The following CPA6 variants were observed in gnomAD, a reference collection of about 807,000 sequenced individuals.
CPA6 encodes the protein carboxypeptidase B.
CPA6 carries 58 observed loss-of-function variants against 63.3 expected under a neutral mutation model. The ratio of observed to expected loss-of-function variants is 0.92; its 90% confidence interval spans 0.74 to 1.14. CPA6 has a LOEUF of 1.14. Among genes scored for constraint, CPA6 ranks in the 50% most tolerant of loss-of-function variants. CPA6 has a pLI of 0.00. For missense variants in CPA6, 565 were observed against 526.6 expected, an observed-to-expected ratio of 1.07 and a Z score of -0.71; for synonymous variants, 185 against 179.0, an observed-to-expected ratio of 1.03 and a Z score of -0.27.
At chr8:67,550,414 G>A (rs1306629880) in intron 2 of CPA6, among the ~76,000 whole-genome samples, 1 of 152,130 alleles carries the variant, frequency 6.6e-6, no homozygotes, top group African/African-American at 2.4e-5. Flanking sequence ...TGGTATATAT[G>A]TACCACATTT....
At chr8:67,718,460 T>G (rs1001030125) in intron 1 of CPA6, among the ~76,000 whole-genome samples, 3 of 152,168 alleles carry the variant, frequency 2.0e-5, no homozygotes, top group African/African-American at 7.2e-5. Context: ...GGGTTATGTA[T>G]GGCTGTGATG....
rs150055364 is a variant in CPA6 at position 67,720,152 on chromosome 8, G to A, written c.116+25862C>T. On this transcript the variant is annotated intron_variant, in intron 1 of 10. Transcript: ENST00000297770. ...AGTCAAAGGGGGTTTGTTCTCTGGC[G>A]GGCAGGAGTGGGGGTCGCAAGGTGC... 1.4e-4 allele frequency among the ~76,000 whole-genome samples: 21 copies of A among 152,072 alleles called. No homozygotes were observed. The East Asian group carries it at 3.5e-3, about 25-fold the overall frequency.
chr8:67,745,985 G>A (rs779485838), intron 1 of CPA6, 29 bp downstream of exon 1: 9 of 1,553,100 alleles, frequency 5.8e-6, no homozygotes, highest in South Asian at 2.3e-5. Context: ...AATCAAAGCT[G>A]TGTAGGGCAT....
intron 2 of CPA6, among the ~76,000 whole-genome samples, chr8:67,588,284 C>T (rs1454791582): frequency 3.9e-5 from 6 of 151,922 alleles, no homozygotes; most frequent in South Asian, 2.1e-4. Flanking sequence ...GGAAGTCAGT[C>T]GGTTACTGAT....
At chr8:67,496,531 A>ATGTATATATATG (rs1563976136) in intron 6 of CPA6, among the ~76,000 whole-genome samples, 1 of 134,376 alleles carries the variant, frequency 7.4e-6, no homozygotes, top group African/African-American at 3.0e-5. Flanking sequence ...ATATATATAT[A>ATGTATATATATG]TATATATATA....
intron 5 of CPA6, among the ~76,000 whole-genome samples, chr8:67,507,442 A>G (rs1423097758): frequency 6.6e-6 from 1 of 152,322 alleles, no homozygotes; most frequent in South Asian, 2.1e-4. Context: ...TCTAGAATCA[A>G]GTGGTAGATT....
chr8:67,633,904 C>T (rs1310162867), intron 1 of CPA6, among the ~76,000 whole-genome samples: 1 of 84,428 alleles, frequency 1.2e-5, no homozygotes, highest in Non-Finnish European at 2.2e-5. Context: ...ATGTTTTCCT[C>T]CTTCTTTCTC....
At position 67,552,500 on chromosome 8, in the gene CPA6, A is replaced by G. The variant is rs575536300; in HGVS notation, c.193-34453T>C. The stretch of plus-strand genomic sequence containing the variant: ...ATATTATAAAAAATGATGGCCGGGC[A>G]CGGTGGCTCATGCCTGTAATCCCAG... On this transcript the variant is annotated intron_variant, in intron 2 of 10. Coordinates refer to ENST00000297770, the MANE Select transcript of CPA6 (RefSeq NM_020361.5). Among the ~76,000 whole-genome samples, 195 of 152,302 alleles carry G rather than the reference A, an allele frequency of 1.3e-3. 1 individual carries two copies. Among genetic ancestry groups the G allele is most frequent in the South Asian group, 5.2e-3 (25 of 4,822 alleles).
intron 1 of CPA6, among the ~76,000 whole-genome samples, chr8:67,724,466 A>T (rs1430792803): frequency 6.6e-6 from 1 of 152,194 alleles, no homozygotes. Context: ...ACACAAAACA[A>T]AAAGCCCCAC....
intron 2 of CPA6, among the ~76,000 whole-genome samples, chr8:67,539,041 T>C (rs1812649965): frequency 2.6e-5 from 4 of 152,238 alleles, no homozygotes; most frequent in African/African-American, 9.6e-5. Context: ...CCTGTCATTA[T>C]GATGCTAGCT....
intron 2 of CPA6, among the ~76,000 whole-genome samples, chr8:67,589,920 G>T (rs555797502): frequency 6.6e-6 from 1 of 151,296 alleles, no homozygotes; most frequent in East Asian, 1.9e-4. Flanking sequence ...TTAAGTTTTA[G>T]GGTACATGTG....
At chr8:67,657,336 ATG>A (rs35203008) in intron 1 of CPA6, among the ~76,000 whole-genome samples, 55,501 of 151,968 alleles carry the variant, frequency 0.37, 11,474 homozygotes, top group East Asian at 0.6. Flanking sequence ...AAATAATCTG[ATG>A]TTGCTGGAGA....
At chr8:67,547,239 G>C (rs1050224616) in intron 2 of CPA6, among the ~76,000 whole-genome samples, 2 of 152,024 alleles carry the variant, frequency 1.3e-5, no homozygotes, top group African/African-American at 4.8e-5. Flanking sequence ...GTAGATACAG[G>C]GTTTCACTGT....
intron 1 of CPA6, among the ~76,000 whole-genome samples, chr8:67,666,127 A>G (rs1288733527): frequency 6.6e-6 from 1 of 152,186 alleles, no homozygotes; most frequent in Non-Finnish European, 1.5e-5. Context: ...CCTGTAAAGA[A>G]CTGAGCAGAG....
chr8:67,551,375 G>A (rs1402825062), intron 2 of CPA6, among the ~76,000 whole-genome samples: 1 of 152,076 alleles, frequency 6.6e-6, no homozygotes, highest in African/African-American at 2.4e-5. Flanking sequence ...TATTCCATTG[G>A]TCTATGTGTC....
intron 8 of CPA6, among the ~76,000 whole-genome samples, chr8:67,471,426 T>A (rs1349339608): frequency 6.6e-6 from 1 of 152,222 alleles, no homozygotes; most frequent in Non-Finnish European, 1.5e-5. Flanking sequence ...AGGTGACAAC[T>A]ATATAAAATG....
intron 2 of CPA6, among the ~76,000 whole-genome samples, chr8:67,552,295 A>G (rs1812956098): frequency 6.6e-6 from 1 of 152,206 alleles, no homozygotes; most frequent in Non-Finnish European, 1.5e-5. Flanking sequence ...ACAAAATGCT[A>G]TTTGCCTAGT....
In CPA6 at chr8:67,529,764, G is replaced by A. The variant is rs570333641; in HGVS notation, c.193-11717C>T. Among the ~76,000 whole-genome samples, 435 of 152,104 alleles carry A rather than the reference G, an allele frequency of 2.9e-3. 1 individual carries two copies. Among genetic ancestry groups the A allele is most frequent in the Non-Finnish European group, 3.4e-3 (234 of 67,992 alleles). ...GGAGAAAATACCTCCCCTCAAAGAAGAAAAATAACTCAATAGTGTCACGGG... is the reference window on the plus strand; with the variant it reads ...GGAGAAAATACCTCCCCTCAAAGAAAAAAAATAACTCAATAGTGTCACGGG... On this transcript the variant is annotated intron_variant, in intron 2 of 10. Coordinates refer to ENST00000297770, the MANE Select transcript of CPA6 (RefSeq NM_020361.5).
At chr8:67,626,278 C>T (rs899454642) in intron 1 of CPA6, among the ~76,000 whole-genome samples, 1 of 152,120 alleles carries the variant, frequency 6.6e-6, no homozygotes, top group African/African-American at 2.4e-5. Context: ...GGCATCAGAT[C>T]CCTAGAGATA....
Sources: gnomAD v4.1 joint callset for allele counts (sites outside exome capture counted in the v4.1 genomes callset) on GRCh38, gnomAD v4.1.1 for gene constraint, MANE v1.5 for transcripts, NCBI Gene and HGNC (gene_info 2026-07-23, HGNC 2026-07-21) for gene names.